Variants in CTSB observed in about 807,000 individuals in gnomAD.
The protein encoded by CTSB is APP secretase.
Under a neutral mutation model 44.3 loss-of-function variants are expected in CTSB, and 57 were observed. The observed-to-expected ratio is 1.29, with a 90% CI of 1.04 to 1.60. The LOEUF (loss-of-function observed/expected upper bound fraction) is 1.60, where lower values mean the gene tolerates loss of function less well. Among genes scored for constraint, CTSB ranks in the 40% most tolerant of loss-of-function variants. The pLI is 0.00. For synonymous variants in CTSB, 320 were observed against 168.0 expected (o/e 1.91, Z -7.00); for missense variants, 768 against 443.0 (o/e 1.73, Z -6.59).
intron 8 of CTSB, chr8:11,846,451 T>C (rs73663021): frequency 0.058 from 8,818 of 152,394 alleles, 828 homozygotes; most frequent in African/African-American, 0.2. Context: ...AAAATATTAA[T>C]GGGATAGATG....
intron 1 of CTSB, among the ~76,000 whole-genome samples, chr8:11,863,853 G>C (rs748150608): frequency 1.3e-5 from 2 of 152,124 alleles, no homozygotes; most frequent in Non-Finnish European, 2.9e-5. Flanking sequence ...CCACACTGGA[G>C]AACCCTTTGC....
intron 1 of CTSB, among the ~76,000 whole-genome samples, chr8:11,854,210 G>A (rs997063155): frequency 6.6e-6 from 1 of 152,182 alleles, no homozygotes; most frequent in Non-Finnish European, 1.5e-5. Context: ...TCTCCTGGGC[G>A]CCTGCATCCA....
intron 9 of CTSB, among the ~76,000 whole-genome samples, chr8:11,845,434 G>A (rs1027141845): frequency 6.6e-6 from 1 of 152,198 alleles, no homozygotes; most frequent in Non-Finnish European, 1.5e-5. Context: ...CACAGGATCT[G>A]GCGCGATGCT....
At position 11,845,221 on chromosome 8, in the gene CTSB, G is replaced by A. The variant is rs766115386; in HGVS notation, c.924C>T (p.Gly308=). The change falls in exon 10 of 10, where the codon GGC becomes GGT. Residue 308 remains glycine (G), a splice_region_variant and synonymous_variant. Transcript: ENST00000353047. ...NSWNTDWGDN[G]FFKILRGQDH... ...CCTGTCCTCTGAGTATTTTAAAGAA[G>A]CCTGGGAATAAAAAGTAAGGTGCTT... 1.9e-6 allele frequency: 3 copies of A among 1,610,682 alleles called. No individual in the cohort carries two copies. Among genetic ancestry groups the A allele is most frequent in the East Asian group, 2.2e-5 (1 of 44,862 alleles).
At chr8:11,863,681 C>T (rs1816730601) in intron 1 of CTSB, among the ~76,000 whole-genome samples, 1 of 152,122 alleles carries the variant, frequency 6.6e-6, no homozygotes, top group South Asian at 2.1e-4. Flanking sequence ...TTACTGTTGT[C>T]CTACAGCAAA....
At position 11,848,017 on chromosome 8, in the gene CTSB, T is replaced by C. The variant is rs369460381; in HGVS notation, c.532+50A>G. 26 of 1,476,676 alleles carry C rather than the reference T, an allele frequency of 1.8e-5. No individual in the cohort carries two copies. The Admixed American group carries it at 3.6e-4, about 21-fold the overall frequency. 91.5% of individuals were successfully genotyped at this position (1,476,676 alleles called of 1,614,324 possible). On this transcript the variant is annotated intron_variant, in intron 6 of 9. Transcript: ENST00000353047. Reference sequence around the variant, plus strand: ...AGGCAAATAAAGCCATGATGGTTAATTGCTCAAACAATCCATCTGGCCAGA... The same window carrying C: ...AGGCAAATAAAGCCATGATGGTTAACTGCTCAAACAATCCATCTGGCCAGA...
At position 11,852,781 on chromosome 8, in the gene CTSB, G is replaced by A; in HGVS notation, c.127-86C>T. ...GCCCACACACGAAGCCCAACCCAGG[G>A]AAAACCAGAGACCCTACCCAATTCA... On this transcript the variant is annotated intron_variant, in intron 2 of 9. Transcript: ENST00000353047. 2.3e-6 allele frequency: 3 copies of A among 1,278,426 alleles called. No homozygotes were observed. The South Asian group carries it at 3.8e-5, about 16-fold the overall frequency. The allele number at this position is 1,278,426 out of a possible 1,614,324, so 79.2% of individuals were successfully genotyped here.
chr8:11,843,630 G>A lies in CTSB; in HGVS notation c.*1495C>T, dbSNP rs1324186526. 6.6e-6 allele frequency: 1 copy of A among 152,250 alleles called. No homozygotes were observed. The highest frequency in any genetic ancestry group is 1.5e-5 in the Non-Finnish European group (1 of 68,054). The allele number at this position is 152,250 out of a possible 1,614,324, so 9.4% of individuals were successfully genotyped here. ...CCAAACCAAGGCTGGAGGGCATCCA[G>A]GGGGATGTGGTTCCCCACGGGGTAG... On this transcript the variant is annotated 3_prime_UTR_variant, in exon 10 of 10. Transcript: ENST00000353047.
At chr8:11,850,844 C>G (rs556044594) in intron 4 of CTSB, 22 bp downstream of exon 4, 2 of 1,578,042 alleles carry the variant, frequency 1.3e-6, no homozygotes, top group East Asian at 2.2e-5. Context: ...CAGCGCTTCC[C>G]CGCCAGCCAG....
At chr8:11,851,209 G>T (rs1454945312) in intron 3 of CTSB, among the ~76,000 whole-genome samples, 1 of 152,022 alleles carries the variant, frequency 6.6e-6, no homozygotes, top group African/African-American at 2.4e-5. Context: ...GGGTGGGAGT[G>T]GACAGAATTT....
At chr8:11,845,332 G>A (rs1005900292) in intron 9 of CTSB, 110 bp from the exon 10 acceptor site, 5 of 814,996 alleles carry the variant, frequency 6.1e-6, no homozygotes, top group Non-Finnish European at 1.0e-5. Context: ...TCCTGCTGTT[G>A]GCCCACTAGC....
At chr8:11,848,921 G>C (rs764832710) in intron 5 of CTSB, 125 bp downstream of exon 5, 73 of 662,400 alleles carry the variant, frequency 1.1e-4, no homozygotes, top group Non-Finnish European at 1.8e-4. Flanking sequence ...CAGACTCTCG[G>C]AGTCTCCCCG....
Position 11,844,768 on chromosome 8 carries a change from C to G in CTSB, c.*357G>C, listed in dbSNP as rs3088244. On this transcript the variant is annotated 3_prime_UTR_variant, in exon 10 of 10. Transcript: ENST00000353047. Reference sequence around the variant, plus strand: ...GGTACTGGGGGAACTGATGGGGGAACTTTCATCCTGTTAGGAACTCCGCTT... The same window carrying G: ...GGTACTGGGGGAACTGATGGGGGAAGTTTCATCCTGTTAGGAACTCCGCTT... The G allele has an allele frequency of 0.12, 24,962 of 205,738 alleles. 1,702 individuals are homozygous for G. The highest frequency in any genetic ancestry group is 0.15 in the Non-Finnish European group (15,132 of 101,708). The allele number at this position is 205,738 out of a possible 1,614,324, so 12.7% of individuals were successfully genotyped here. A position where few individuals can be genotyped will look rare whatever the true frequency, so the allele number is the denominator to read the frequency against.
chr8:11,861,095 T>C (rs1412662258), intron 1 of CTSB, among the ~76,000 whole-genome samples: 1 of 152,216 alleles, frequency 6.6e-6, no homozygotes, highest in Non-Finnish European at 1.5e-5. Flanking sequence ...GTTTAGTAGA[T>C]TCTTGGCTTA....
intron 8 of CTSB, among the ~76,000 whole-genome samples, 199 bp from the exon 9 acceptor site, chr8:11,845,988 G>T (rs1736083): frequency 0.19 from 28,677 of 152,222 alleles, 3,142 homozygotes; most frequent in Middle Eastern, 0.26. Context: ...CACACTCAAA[G>T]TTGTTGAGTA....
chr8:11,867,495 G>T (rs1263025446), intron 1 of CTSB: 3 of 152,274 alleles, frequency 2.0e-5, no homozygotes, highest in Non-Finnish European at 4.4e-5. Flanking sequence ...GAATTGCGTG[G>T]GATCTTGCGC....
intron 1 of CTSB, among the ~76,000 whole-genome samples, chr8:11,857,542 T>C (rs1815705258): frequency 6.6e-6 from 1 of 152,054 alleles, no homozygotes; most frequent in Non-Finnish European, 1.5e-5. Context: ...CATGGCAACT[T>C]GAATTTTAAA....
In CTSB at chr8:11,847,695, T is replaced by A. The variant is rs750489428; in HGVS notation, c.660A>T (p.Lys220Asn). 8.9e-6 allele frequency: 14 copies of A among 1,573,400 alleles called. No homozygotes were observed. The highest frequency in any genetic ancestry group is 4.5e-5 in the East Asian group (2 of 44,214). Residue 220 changes from lysine (K) to asparagine (N), a missense_variant, in exon 7 of 10, where the codon AAA (lysine) becomes AAT (asparagine). Transcript: ENST00000353047. ...ICEPGYSPTYKQDKHYGYNSY... is the reference protein window; with the variant it reads ...ICEPGYSPTYNQDKHYGYNSY... ...GCCCCTTACCGTAGTGCTTGTCCTGTTTGTAGGTCGGGCTGTAGCCAGGCT... is the reference window on the plus strand; with the variant it reads ...GCCCCTTACCGTAGTGCTTGTCCTGATTGTAGGTCGGGCTGTAGCCAGGCT...
chr8:11,860,502 T>C (rs908901790), intron 1 of CTSB, among the ~76,000 whole-genome samples: 1 of 152,120 alleles, frequency 6.6e-6, no homozygotes, highest in Non-Finnish European at 1.5e-5. Flanking sequence ...TGTGCACCTA[T>C]AATCCCAACT....
Sources: allele counts gnomAD v4.1 joint callset (sites outside exome capture counted in the v4.1 genomes callset), GRCh38; gene constraint gnomAD v4.1.1; transcripts MANE v1.5; gene names NCBI Gene and HGNC (gene_info 2026-07-23, HGNC 2026-07-21).